The following SPAG16 variants were observed in gnomAD, a reference collection of about 807,000 sequenced individuals.
SPAG16 encodes the protein sperm associated antigen 16.
SPAG16 carries 86 observed loss-of-function variants against 80.4 expected under a neutral mutation model. The ratio of observed to expected loss-of-function variants is 1.07; its 90% confidence interval spans 0.90 to 1.28. SPAG16 has a LOEUF of 1.28. Ranked by LOEUF, SPAG16 falls within the 50% of genes most tolerant of loss-of-function variation. The probability of loss-of-function intolerance (pLI) is 0.00; values close to 1 mark genes in which losing one functional copy is unlikely to be tolerated. For synonymous variants in SPAG16, 294 were observed against 265.9 expected, an observed-to-expected ratio of 1.11 and a Z score of -1.03; for missense variants, 870 against 765.3, an observed-to-expected ratio of 1.14 and a Z score of -1.61.
At chr2:214,171,323 G>A (rs537731494) in intron 15 of SPAG16, among the ~76,000 whole-genome samples, 2 of 151,796 alleles carry the variant, frequency 1.3e-5, no homozygotes, top group Admixed American at 1.3e-4. Context: ...ATAGTTTATG[G>A]GTGCTTAGAC....
In SPAG16 at chr2:213,674,387, T is replaced by G. The variant is rs540131411; in HGVS notation, c.1070+184297T>G. The stretch of plus-strand genomic sequence containing the variant: ...TTGCTGCTCTTTTTTTTTTTCATTA[T>G]TTTTTATTATTATACTTTTAAGTTT... On this transcript the variant is annotated intron_variant, in intron 10 of 15. Transcript: ENST00000331683. 5.3e-5 allele frequency among the ~76,000 whole-genome samples: 8 copies of G among 151,034 alleles called. No individual in the cohort carries two copies. The South Asian group carries it at 1.5e-3, about 27-fold the overall frequency.
At chr2:214,201,625 TG>T (rs572598271) in intron 15 of SPAG16, among the ~76,000 whole-genome samples, 114 of 152,346 alleles carry the variant, frequency 7.5e-4, no homozygotes, top group Middle Eastern at 6.8e-3. Flanking sequence ...TGAGGTCATA[TG>T]CTAGTTAGGT....
intron 5 of SPAG16, among the ~76,000 whole-genome samples, chr2:213,337,355 A>T (rs1201890194): frequency 1.3e-5 from 2 of 152,214 alleles, no homozygotes; most frequent in African/African-American, 4.8e-5. Context: ...AAGGCACAGA[A>T]CTGGGCTGAG....
chr2:213,634,012 C>T (rs1167141073), intron 10 of SPAG16, among the ~76,000 whole-genome samples: 1 of 152,050 alleles, frequency 6.6e-6, no homozygotes, highest in Non-Finnish European at 1.5e-5. Context: ...GAGTTTAGTG[C>T]ATTTACATTC....
chr2:214,358,119 A>G (rs570908077), intron 15 of SPAG16, among the ~76,000 whole-genome samples: 6 of 152,022 alleles, frequency 3.9e-5, no homozygotes, highest in African/African-American at 9.6e-5. Context: ...TGCAATATTC[A>G]ACTTCAGTGG....
chr2:213,949,462 C>T (rs187284174), intron 12 of SPAG16, among the ~76,000 whole-genome samples: 35 of 152,158 alleles, frequency 2.3e-4, no homozygotes, highest in Non-Finnish European at 3.4e-4. Context: ...CCACCGCGCT[C>T]GGCCTACAAT....
At chr2:213,496,262 G>T (rs373901077) in intron 10 of SPAG16, among the ~76,000 whole-genome samples, 14 of 148,636 alleles carry the variant, frequency 9.4e-5, no homozygotes, top group African/African-American at 3.7e-4. Context: ...AGGATTTTCT[G>T]TTGGGCTGGT....
intron 10 of SPAG16, among the ~76,000 whole-genome samples, chr2:213,611,379 G>C (rs538997675): frequency 1.3e-5 from 2 of 152,174 alleles, no homozygotes; most frequent in African/African-American, 4.8e-5. Flanking sequence ...TTTTCTATGT[G>C]ATTTTATATT....
At chr2:214,353,740 A>G (rs1698577366) in intron 15 of SPAG16, among the ~76,000 whole-genome samples, 1 of 152,162 alleles carries the variant, frequency 6.6e-6, no homozygotes, top group Non-Finnish European at 1.5e-5. Flanking sequence ...CTTTAATCAC[A>G]AGAAAATCAC....
chr2:213,481,068 C>A (rs906015823), intron 9 of SPAG16, among the ~76,000 whole-genome samples: 2 of 152,148 alleles, frequency 1.3e-5, no homozygotes, highest in Non-Finnish European at 2.9e-5. Context: ...ACATGACAAG[C>A]CATTCAATTC....
At chr2:214,174,032 A>T (rs925254909) in intron 15 of SPAG16, among the ~76,000 whole-genome samples, 10 of 152,096 alleles carry the variant, frequency 6.6e-5, no homozygotes, top group African/African-American at 2.4e-4. Context: ...ACAATCCTTC[A>T]TGCTAAAAAC....
At chr2:213,895,236 A>G (rs2076951327) in intron 11 of SPAG16, among the ~76,000 whole-genome samples, 1 of 152,008 alleles carries the variant, frequency 6.6e-6, no homozygotes, top group South Asian at 2.1e-4. Flanking sequence ...CTGTACAAAG[A>G]CAACTATAAA....
At chr2:214,050,476 A>G (rs1215606372) in intron 13 of SPAG16, among the ~76,000 whole-genome samples, 2 of 152,066 alleles carry the variant, frequency 1.3e-5, no homozygotes, top group African/African-American at 2.4e-5. Context: ...ACAGCAGAAG[A>G]GCTTCAAGTC....
intron 10 of SPAG16, among the ~76,000 whole-genome samples, chr2:213,580,162 C>G (rs1365665086): frequency 6.6e-6 from 1 of 151,892 alleles, no homozygotes; most frequent in Non-Finnish European, 1.5e-5. Flanking sequence ...GAGGAATATC[C>G]TTATCCCTGA....
chr2:214,181,930 G>C (rs2057320144), intron 15 of SPAG16, among the ~76,000 whole-genome samples: 1 of 151,840 alleles, frequency 6.6e-6, no homozygotes, highest in South Asian at 2.1e-4. Context: ...ACTGCATGCT[G>C]TTAAATTCAG....
At chr2:213,422,517 C>A (rs534805120) in intron 9 of SPAG16, 2 of 496,118 alleles carry the variant, frequency 4.0e-6, no homozygotes, top group Non-Finnish European at 7.3e-6. Context: ...TGAGCACAGC[C>A]TACCAGGCCG....
intron 13 of SPAG16, among the ~76,000 whole-genome samples, chr2:214,075,629 A>T (rs2051036823): frequency 6.6e-6 from 1 of 152,208 alleles, no homozygotes; most frequent in African/African-American, 2.4e-5. Context: ...GAAAAACTTC[A>T]TATCCTCAGG....
At chr2:213,961,441 G>A (rs2044412646) in intron 12 of SPAG16, among the ~76,000 whole-genome samples, 1 of 151,936 alleles carries the variant, frequency 6.6e-6, no homozygotes, top group South Asian at 2.1e-4. Flanking sequence ...ATGTTGAATA[G>A]AAGTGATTAG....
chr2:213,721,012 A>T (rs2125394515), intron 10 of SPAG16, among the ~76,000 whole-genome samples: 1 of 152,194 alleles, frequency 6.6e-6, no homozygotes, highest in South Asian at 2.1e-4. Flanking sequence ...TCAGCCTCCC[A>T]AAGTGCTGGG....
Sources: gnomAD v4.1 joint callset for allele counts (sites outside exome capture counted in the v4.1 genomes callset) on GRCh38, gnomAD v4.1.1 for gene constraint, MANE v1.5 for transcripts, NCBI Gene and HGNC (gene_info 2026-07-23, HGNC 2026-07-21) for gene names.